SGMS1: variants seen among roughly 807,000 people sequenced by gnomAD.
The protein encoded by SGMS1 is phosphatidylcholine:ceramide cholinephosphotransferase 1.
A neutral mutation model predicts 46.2 loss-of-function variants in SGMS1; 13 were observed. The ratio of observed to expected loss-of-function variants is 0.28; its 90% confidence interval spans 0.18 to 0.45. The LOEUF (loss-of-function observed/expected upper bound fraction) is 0.45. Among genes scored for constraint, SGMS1 ranks in the 20% least tolerant of loss-of-function variants. The pLI, the probability that SGMS1 is intolerant of heterozygous loss-of-function variation, is 1.00. For synonymous variants in SGMS1, 203 were observed against 187.8 expected (o/e 1.08, Z -0.66); for missense variants, 324 against 519.9 (o/e 0.62, Z 3.66).
chr10:50,567,753 T>C (rs1838302524), intron 2 of SGMS1, among the ~76,000 whole-genome samples: 1 of 152,180 alleles, frequency 6.6e-6, no homozygotes, highest in African/African-American at 2.4e-5. Flanking sequence ...AAAATAAACA[T>C]AGACACTCAC....
At chr10:50,360,109 A>C (rs1445772681) in intron 6 of SGMS1, among the ~76,000 whole-genome samples, 2 of 152,196 alleles carry the variant, frequency 1.3e-5, no homozygotes, top group Non-Finnish European at 2.9e-5. Flanking sequence ...AGCTTTCTTA[A>C]AAAATATAAA....
upstream of SGMS1, chr10:50,624,028 T>A (rs1449927209): frequency 7.1e-6 from 7 of 985,254 alleles, no homozygotes; most frequent in African/African-American, 1.7e-5. Context: ...CCTCCGGGTG[T>A]TCACTGCGGC....
At chr10:50,579,013 A>G (rs1838409431) in intron 2 of SGMS1, among the ~76,000 whole-genome samples, 1 of 152,188 alleles carries the variant, frequency 6.6e-6, no homozygotes, top group Non-Finnish European at 1.5e-5. Flanking sequence ...AACAGAGGAA[A>G]AAAGCAACTT....
At chr10:50,396,199 T>C (rs1427727775) in intron 6 of SGMS1, among the ~76,000 whole-genome samples, 1 of 152,156 alleles carries the variant, frequency 6.6e-6, no homozygotes, top group Non-Finnish European at 1.5e-5. Context: ...CTCTGAGCCC[T>C]CAGGGTGGGG....
chr10:50,555,171 G>A (rs1263416112), intron 2 of SGMS1, among the ~76,000 whole-genome samples: 2 of 152,210 alleles, frequency 1.3e-5, no homozygotes, highest in African/African-American at 4.8e-5. Flanking sequence ...AGAAGCAAGG[G>A]AGACAAAATT....
chr10:50,312,107 G>A (rs1227083950), intron 8 of SGMS1, among the ~76,000 whole-genome samples: 1 of 152,142 alleles, frequency 6.6e-6, no homozygotes. Context: ...ATGTGTAACT[G>A]TCTATATTTT....
intron 3 of SGMS1, among the ~76,000 whole-genome samples, chr10:50,485,521 T>C (rs976191527): frequency 6.6e-6 from 1 of 152,212 alleles, no homozygotes; most frequent in African/African-American, 2.4e-5. Context: ...ACCATTGACA[T>C]TCTTCACAGA....
intron 6 of SGMS1, among the ~76,000 whole-genome samples, chr10:50,378,535 G>A (rs1848552898): frequency 6.6e-6 from 1 of 152,162 alleles, no homozygotes; most frequent in Non-Finnish European, 1.5e-5. Context: ...AACTACAGCA[G>A]TAAAATTTAA....
At chr10:50,379,190 T>A (rs969679148) in intron 6 of SGMS1, among the ~76,000 whole-genome samples, 2 of 152,162 alleles carry the variant, frequency 1.3e-5, no homozygotes, top group Non-Finnish European at 2.9e-5. Flanking sequence ...TACTTACAGA[T>A]ATATTAAAAA....
intron 7 of SGMS1, among the ~76,000 whole-genome samples, chr10:50,338,310 C>CA (rs1255581652): frequency 2.0e-5 from 3 of 152,174 alleles, no homozygotes; most frequent in African/African-American, 7.2e-5. Context: ...TTTTCACCAC[C>CA]AACTGACTAA....
upstream of SGMS1, chr10:50,624,841 G>A (rs1042607002): frequency 2.0e-6 from 2 of 987,748 alleles, no homozygotes; most frequent in African/African-American, 3.5e-5. Context: ...GTGGCCTACA[G>A]GCAGCCCGAG....
intron 2 of SGMS1, among the ~76,000 whole-genome samples, chr10:50,537,113 A>G (rs183265412): frequency 6.6e-6 from 1 of 152,340 alleles, no homozygotes; most frequent in Non-Finnish European, 1.5e-5. Flanking sequence ...GAATTTTCCC[A>G]GTCTGCATCT....
At position 50,414,561 on chromosome 10, in the gene SGMS1, T is replaced by C. The variant is rs183518796; in HGVS notation, c.-232+18915A>G. Among the ~76,000 whole-genome samples the C allele has an allele frequency of 1.1e-3, 174 of 152,356 alleles. 4 individuals are homozygous for C. In the South Asian group the frequency reaches 0.014, roughly 12 times the overall value. On this transcript the variant is annotated intron_variant, in intron 6 of 10. Transcript: ENST00000361781. The stretch of plus-strand genomic sequence containing the variant: ...TACTATCCGATTCTGCTTTAAGCAC[T>C]TTACATGGATTATATAATTTAATCC...
intron 7 of SGMS1, among the ~76,000 whole-genome samples, chr10:50,333,552 T>C (rs190785588): frequency 4.3e-4 from 65 of 152,292 alleles, no homozygotes; most frequent in Middle Eastern, 3.4e-3. Context: ...TCTAGTCTCA[T>C]TGTCCTGTAA....
chr10:50,498,765 A>G (rs971698051), intron 3 of SGMS1, among the ~76,000 whole-genome samples: 2 of 152,228 alleles, frequency 1.3e-5, no homozygotes, highest in Non-Finnish European at 2.9e-5. Context: ...TAATGCTGCT[A>G]TAAACCGGGG....
intron 2 of SGMS1, among the ~76,000 whole-genome samples, chr10:50,529,969 T>C (rs1323306713): frequency 6.6e-6 from 1 of 152,206 alleles, no homozygotes; most frequent in Non-Finnish European, 1.5e-5. Flanking sequence ...TGCAATTTCC[T>C]CGTCCAATCT....
At chr10:50,495,955 T>A (rs552127552) in intron 3 of SGMS1, among the ~76,000 whole-genome samples, 47 of 152,334 alleles carry the variant, frequency 3.1e-4, no homozygotes, top group African/African-American at 1.1e-3. Flanking sequence ...CAGAGCTTTT[T>A]AAAGTCATGT....
chr10:50,397,237 T>C (rs1370128840), intron 6 of SGMS1, among the ~76,000 whole-genome samples: 1 of 152,148 alleles, frequency 6.6e-6, no homozygotes, highest in African/African-American at 2.4e-5. Flanking sequence ...GAGGACTCAC[T>C]CAGTGTAGGG....
chr10:50,523,616 T>C (rs1837874483), intron 2 of SGMS1, among the ~76,000 whole-genome samples: 3 of 152,252 alleles, frequency 2.0e-5, no homozygotes, highest in Non-Finnish European at 4.4e-5. Context: ...TTAATTTCTC[T>C]TGTTTATGTG....
Sources: gnomAD v4.1 joint callset for allele counts (sites outside exome capture counted in the v4.1 genomes callset) on GRCh38, gnomAD v4.1.1 for gene constraint, MANE v1.5 for transcripts, NCBI Gene and HGNC (gene_info 2026-07-23, HGNC 2026-07-21) for gene names.